Variants in EXOSC10 observed in about 807,000 individuals in gnomAD.
The protein encoded by EXOSC10 is exosome component 10.
A neutral mutation model predicts 126.6 loss-of-function variants in EXOSC10; 94 were observed. The observed-to-expected ratio is 0.74, with a 90% CI of 0.63 to 0.88. The LOEUF is 0.88. Ranked by LOEUF, EXOSC10 falls within the 40% of genes least tolerant of loss-of-function variation. The probability of loss-of-function intolerance (pLI) is 0.00; values close to 1 mark genes in which losing one functional copy is unlikely to be tolerated. For synonymous variants in EXOSC10, 395 were observed against 400.8 expected (o/e 0.99, Z 0.17); for missense variants, 1,041 against 1,100.5 (o/e 0.95, Z 0.77).
Position 11,069,600 on chromosome 1 carries a change from G to GT in EXOSC10, c.2446dup (p.Thr816AsnfsTer26). 1 of 1,614,122 alleles carries GT rather than the reference G, an allele frequency of 6.2e-7. No individual in the cohort carries two copies. The highest frequency in any genetic ancestry group is 8.5e-7 in the Non-Finnish European group (1 of 1,180,042). On this transcript the variant is annotated frameshift_variant, in exon 22 of 25. Transcript: ENST00000376936. LOFTEE classifies it high-confidence loss of function. ...GTCTGACTGGCTGTAGTCGTAAGGC[G>GT]TAAACTCTTTTTCTGGTGGCTCTGG... is the stretch of plus-strand genomic sequence containing the variant.
intron 19 of EXOSC10, 31 bp from the exon 20 acceptor site, chr1:11,072,202 C>T: frequency 5.1e-6 from 8 of 1,554,598 alleles, no homozygotes; most frequent in Non-Finnish European, 7.1e-6. Context: ...ACAAAAAAAA[C>T]CCTCCAAAGT....
chr1:11,091,801 C>T lies in EXOSC10; in HGVS notation c.373-204G>A, dbSNP rs1268428034. 4.6e-5 allele frequency among the ~76,000 whole-genome samples: 7 copies of T among 152,294 alleles called. No homozygotes were observed. In the East Asian group the frequency reaches 1.2e-3, roughly 25 times the overall value. On this transcript the variant is annotated intron_variant, in intron 3 of 24. Coordinates refer to ENST00000376936, the MANE Select transcript of EXOSC10 (RefSeq NM_001001998.3). ...TGCCTCCAGGGTTCAAGCGATTCTC[C>T]TGCCTCAGCCTCCCGAGTAGCTGGG...
rs1181728081 is a variant in EXOSC10, at chr1:11,098,012, G to A, written c.248+8C>T. On this transcript the variant is annotated splice_region_variant and intron_variant, in intron 2 of 24. Transcript: ENST00000376936. ...CACTAACACAAGAAAACAAAGTACA[G>A]TACTTACCACTGAAGCAACCTGTCT... 2 of 1,599,094 alleles carry A rather than the reference G, an allele frequency of 1.3e-6. No homozygotes were observed. The highest frequency in any genetic ancestry group is 2.7e-5 in the African/African-American group (2 of 74,014).
intron 23 of EXOSC10, 82 bp downstream of exon 23, chr1:11,068,563 G>C: frequency 9.6e-7 from 1 of 1,037,394 alleles, no homozygotes; most frequent in Non-Finnish European, 1.5e-6. Flanking sequence ...TGGACTCCTG[G>C]ATGGGCCTGT....
chr1:11,069,433 A>G, intron 22 of EXOSC10, 126 bp downstream of exon 22: 1 of 1,156,250 alleles, frequency 8.6e-7, no homozygotes, highest in Non-Finnish European at 1.2e-6. Flanking sequence ...GGACTACTCC[A>G]ACAATTCCTG....
intron 9 of EXOSC10, among the ~76,000 whole-genome samples, chr1:11,087,090 T>G (rs1026282761): frequency 2.0e-5 from 3 of 152,224 alleles, no homozygotes. Flanking sequence ...CAGTCACAGC[T>G]TTCTACACTC....
chr1:11,087,928 T>C lies in EXOSC10; in HGVS notation c.835-18A>G, dbSNP rs200518956. 73 of 1,477,492 alleles carry C rather than the reference T, an allele frequency of 4.9e-5. No homozygotes were observed. The Admixed American group carries it at 1.3e-3, about 26-fold the overall frequency. 91.5% of individuals were successfully genotyped at this position (1,477,492 alleles called of 1,614,324 possible). A position where few individuals can be genotyped will look rare whatever the true frequency, so the allele number is the denominator to read the frequency against. On this transcript the variant is annotated intron_variant, in intron 7 of 24. Coordinates refer to ENST00000376936, the MANE Select transcript of EXOSC10 (RefSeq NM_001001998.3). ...CTGTATAACTGGATCAAGAGAATAG[T>C]AAGAAAAAGGGAGGAATATAGAAAT...
At chr1:11,076,746 G>A (rs753180765) in intron 17 of EXOSC10, 96 bp downstream of exon 17, 34 of 950,676 alleles carry the variant, frequency 3.6e-5, no homozygotes, top group Non-Finnish European at 5.3e-5. Context: ...ATTAGTCTCC[G>A]AGTGTATGCA....
intron 3 of EXOSC10, among the ~76,000 whole-genome samples, chr1:11,091,965 T>C (rs576466250): frequency 1.3e-5 from 2 of 152,106 alleles, no homozygotes; most frequent in Non-Finnish European, 2.9e-5. Context: ...GCTGGGATTA[T>C]AGGCGTGAGC....
chr1:11,087,427 A>C lies in EXOSC10; in HGVS notation c.1089+21T>G, dbSNP rs199533131. The stretch of plus-strand genomic sequence containing the variant: ...AATCTTGTATGAGCTCACATGCATG[A>C]GTTACAAAAGGCTGGCTGACCTTAA... On this transcript the variant is annotated intron_variant, in intron 9 of 24. Coordinates refer to ENST00000376936, the MANE Select transcript of EXOSC10 (RefSeq NM_001001998.3). 562 of 1,613,830 alleles carry C rather than the reference A, an allele frequency of 3.5e-4. 1 individual carries two copies. Among genetic ancestry groups the C allele is most frequent in the Non-Finnish European group, 3.1e-4 (366 of 1,179,768 alleles).
chr1:11,069,260 G>GAGAGAGAGAGAGAGAGAGAGA (rs1557690891), intron 22 of EXOSC10, among the ~76,000 whole-genome samples: 4 of 118,768 alleles, frequency 3.4e-5, no homozygotes, highest in Admixed American at 9.6e-5. Flanking sequence ...AGAGAGAGAG[G>GAGAGAGAGAGAGAGAGAGAGA]GTTTATGGGC....
chr1:11,083,226 G>C (rs1640268332), intron 9 of EXOSC10, among the ~76,000 whole-genome samples: 1 of 152,150 alleles, frequency 6.6e-6, no homozygotes, highest in East Asian at 1.9e-4. Context: ...TGGGATTACA[G>C]GCCTGAGCCA....
At position 11,082,692 on chromosome 1, in the gene EXOSC10, T is replaced by C. The variant is rs1640235415; in HGVS notation, c.1276A>G (p.Ile426Val). ...NKQYQLADWR[I>V]RPLPEEMLSY... ...CCTCAGTAAGAGCAAACTGACCGTA[T>C]TCTCCAATCAGCCAGCTGATATTGC... The change falls in exon 10 of 25, where the codon ATA becomes GTA. Residue 426 changes from isoleucine (I) to valine (V), a missense_variant. Ile to Val is a conservative substitution (Grantham distance 29). Coordinates refer to ENST00000376936, the MANE Select transcript of EXOSC10 (RefSeq NM_001001998.3). 3.1e-6 allele frequency: 5 copies of C among 1,614,050 alleles called. No homozygotes were observed. In the East Asian group the frequency reaches 1.1e-4, roughly 36 times the overall value.
In EXOSC10 at chr1:11,066,678, T is replaced by C. The variant is rs572059756; in HGVS notation, c.*40A>G. ...GTATGTACAAAAGCAGCACCAGCAT[T>C]TGGTGCTTCCGGTCCACAGGCGCCA... On this transcript the variant is annotated 3_prime_UTR_variant, in exon 25 of 25. Coordinates refer to ENST00000376936, the MANE Select transcript of EXOSC10 (RefSeq NM_001001998.3). The C allele has an allele frequency of 1.1e-4, 181 of 1,605,896 alleles. No homozygotes were observed. The Middle Eastern group carries it at 2.1e-3, about 19-fold the overall frequency.
chr1:11,068,148 AC>A lies in EXOSC10; in HGVS notation c.2551-65del. 3.0e-6 allele frequency: 4 copies of A among 1,337,418 alleles called. No individual in the cohort carries two copies. The South Asian group carries it at 4.7e-5, about 16-fold the overall frequency. The allele number at this position is 1,337,418 out of a possible 1,614,324, so 82.8% of individuals were successfully genotyped here. A position where few individuals can be genotyped will look rare whatever the true frequency, so the allele number is the denominator to read the frequency against. ...TTGACCACAAGATACACAGAAAAAC[AC>A]ACCTGAGCTCAGGTGGCCAAAGATT... On this transcript the variant is annotated intron_variant, in intron 23 of 24. Coordinates refer to ENST00000376936, the MANE Select transcript of EXOSC10 (RefSeq NM_001001998.3).
At chr1:11,069,847 T>A in intron 21 of EXOSC10, 117 bp from the exon 22 acceptor site, 1 of 1,095,640 alleles carries the variant, frequency 9.1e-7, no homozygotes, top group African/African-American at 1.6e-5. Flanking sequence ...GAACAGTCAG[T>A]GGTGGGGAGA....
chr1:11,074,424 T>C (rs1639699690), intron 17 of EXOSC10, 98 bp from the exon 18 acceptor site: 4 of 863,052 alleles, frequency 4.6e-6, no homozygotes, highest in Middle Eastern at 4.9e-4. Context: ...TTTTTTTTTT[T>C]TTTCTGGAGA....
chr1:11,092,302 C>T (rs1348336039), intron 3 of EXOSC10, among the ~76,000 whole-genome samples: 2 of 152,078 alleles, frequency 1.3e-5, no homozygotes, highest in African/African-American at 4.8e-5. Flanking sequence ...TTGCAACCTG[C>T]CTCCCGGGTT....
Position 11,099,845 on chromosome 1 carries a change from A to G in EXOSC10, c.-14T>C. On this transcript the variant is annotated 5_prime_UTR_variant, in exon 1 of 25. Transcript: ENST00000376936. The stretch of plus-strand genomic sequence containing the variant: ...GGGTGGCGCCATTTTTTCAGCCTGC[A>G]CGGCTCGTCTCGCGAGAGCTTGTCG... 6.3e-7 allele frequency: 1 copy of G among 1,590,598 alleles called. No homozygotes were observed. The highest frequency in any genetic ancestry group is 8.6e-7 in the Non-Finnish European group (1 of 1,167,430).
Sources: allele counts gnomAD v4.1 joint callset (sites outside exome capture counted in the v4.1 genomes callset), GRCh38; gene constraint gnomAD v4.1.1; transcripts MANE v1.5; gene names NCBI Gene and HGNC (gene_info 2026-07-23, HGNC 2026-07-21).